The following KIAA1549L variants were observed in gnomAD, a reference collection of about 807,000 sequenced individuals.
KIAA1549L encodes the protein KIAA1549 like.
In KIAA1549L, 88 loss-of-function variants were observed where a neutral mutation model predicts 160.7. The ratio of observed to expected loss-of-function variants is 0.55; its 90% CI spans 0.46 to 0.65. The LOEUF is 0.65. KIAA1549L is among the 30% of genes least tolerant of loss of function. The pLI is 0.00. For synonymous variants in KIAA1549L, 950 were observed against 976.7 expected (o/e 0.97, Z 0.51); for missense variants, 2,258 against 2,437.5 (o/e 0.93, Z 1.55).
chr11:33,567,443 A>G (rs1404203822), intron 8 of KIAA1549L, among the ~76,000 whole-genome samples: 1 of 152,210 alleles, frequency 6.6e-6, no homozygotes, highest in Non-Finnish European at 1.5e-5. Flanking sequence ...CCATTCAGCC[A>G]TCCTCTTCTT....
At chr11:33,651,889 C>T (rs1590443973) in intron 17 of KIAA1549L, among the ~76,000 whole-genome samples, 1 of 74,956 alleles carries the variant, frequency 1.3e-5, no homozygotes, top group Non-Finnish European at 2.8e-5. Context: ...TTCTCCTCCC[C>T]TCCCCCCCTT....
rs917516726 is a variant in KIAA1549L at position 33,545,063 on chromosome 11, G to C, written c.3070G>C (p.Ala1024Pro). ...RTGHTTSTHT[A>P]MQGNMDTASG... ...AGGACATACCACGAGCACACATACA[G>C]CCATGCAAGGAAACATGGACACTGC... The change falls in exon 3 of 21, where the codon GCC becomes CCC. Residue 1024 changes from alanine to proline, a missense_variant. By Grantham distance (27) the Ala-to-Pro change is conservative. This residue lies in a region of KIAA1549L where 1,359 missense variants were observed against 1,546.6 expected (regional missense o/e 0.88). Coordinates refer to ENST00000658780, the MANE Select transcript of KIAA1549L (RefSeq NM_012194.3). 1.2e-6 allele frequency: 2 copies of C among 1,613,882 alleles called. No homozygotes were observed. The highest frequency in any genetic ancestry group is 1.7e-5 in the Admixed American group (1 of 60,002).
intron 1 of KIAA1549L, among the ~76,000 whole-genome samples, chr11:33,389,450 G>A (rs535435182): frequency 6.6e-6 from 1 of 152,312 alleles, no homozygotes; most frequent in East Asian, 1.9e-4. Flanking sequence ...TGAAAAGAAT[G>A]GGAGGATCAG....
At chr11:33,438,392 C>T (rs969960667) in intron 1 of KIAA1549L, among the ~76,000 whole-genome samples, 2 of 152,190 alleles carry the variant, frequency 1.3e-5, no homozygotes, top group Admixed American at 6.5e-5. Context: ...TTGTTAGAAC[C>T]CAGGTCTTGT....
intron 10 of KIAA1549L, among the ~76,000 whole-genome samples, chr11:33,579,453 C>G (rs1327627679): frequency 1.3e-5 from 2 of 152,186 alleles, no homozygotes; most frequent in Non-Finnish European, 2.9e-5. Context: ...TAGTTGCACC[C>G]TCTTCTCTGT....
intron 1 of KIAA1549L, among the ~76,000 whole-genome samples, chr11:33,413,127 G>T (rs889434429): frequency 5.9e-5 from 9 of 152,224 alleles, no homozygotes; most frequent in African/African-American, 2.2e-4. Context: ...TTAGGGAAAT[G>T]CTGCATCAGA....
intron 9 of KIAA1549L, among the ~76,000 whole-genome samples, chr11:33,574,461 C>T (rs914400378): frequency 6.6e-6 from 1 of 152,222 alleles, no homozygotes. Flanking sequence ...GTGTTTTCTT[C>T]TCCAACCACA....
At position 33,574,853 on chromosome 11, in the gene KIAA1549L, T is replaced by C; in HGVS notation, c.4382T>C (p.Val1461Ala). The stretch of plus-strand genomic sequence containing the variant: ...AGGATGGCCTTGACCCTTCATCACG[T>C]TGTCCTTCTGCAAGCTGACCGTAAG... ...SQRMALTLHHVVLLQADPVVK... is the reference protein window; with the variant it reads ...SQRMALTLHHAVLLQADPVVK... Residue 1461 changes from valine (V) to alanine (A), a missense_variant, in exon 10 of 21, where the codon GTT (valine) becomes GCT (alanine). Physicochemically the swap from Val to Ala is moderately conservative, Grantham distance 64. This residue lies in a region of KIAA1549L where 1,359 missense variants were observed against 1,546.6 expected (regional missense o/e 0.88). Transcript: ENST00000658780. 1 of 1,613,796 alleles carries C rather than the reference T, an allele frequency of 6.2e-7. No individual in the cohort carries two copies. The highest frequency in any genetic ancestry group is 1.7e-5 in the Admixed American group (1 of 59,990).
chr11:33,532,559 T>G (rs888144321), intron 1 of KIAA1549L, among the ~76,000 whole-genome samples: 9 of 152,218 alleles, frequency 5.9e-5, no homozygotes, highest in African/African-American at 2.2e-4. Context: ...ACAGAGATGT[T>G]AAGTAACTTG....
chr11:33,511,022 C>T (rs1420656827), intron 1 of KIAA1549L, among the ~76,000 whole-genome samples: 1 of 152,244 alleles, frequency 6.6e-6, no homozygotes, highest in Non-Finnish European at 1.5e-5. Flanking sequence ...AGTGTGCCTT[C>T]CTAGGCCTCA....
chr11:33,407,964 C>T (rs1259834395), intron 1 of KIAA1549L, among the ~76,000 whole-genome samples: 1 of 152,182 alleles, frequency 6.6e-6, no homozygotes, highest in Non-Finnish European at 1.5e-5. Context: ...CCCGTTCCTG[C>T]AGGGTCTCAC....
chr11:33,502,858 TGTACA>T (rs990707519), intron 1 of KIAA1549L, among the ~76,000 whole-genome samples: 3 of 152,196 alleles, frequency 2.0e-5, no homozygotes, highest in Non-Finnish European at 2.9e-5. Flanking sequence ...AACGTAACCT[TGTACA>T]GTTGTCTGTC....
intron 1 of KIAA1549L, among the ~76,000 whole-genome samples, chr11:33,466,995 G>A (rs1371275495): frequency 6.6e-6 from 1 of 152,014 alleles, no homozygotes; most frequent in Non-Finnish European, 1.5e-5. Flanking sequence ...GGCAGGGATA[G>A]TGTTAGGAGA....
intron 12 of KIAA1549L, among the ~76,000 whole-genome samples, chr11:33,595,147 A>C (rs1590379524): frequency 2.6e-5 from 4 of 152,214 alleles, no homozygotes; most frequent in Non-Finnish European, 5.9e-5. Context: ...CCAAATTTTT[A>C]ATAAGAAATA....
At chr11:33,532,712 G>A (rs1853802068) in intron 1 of KIAA1549L, among the ~76,000 whole-genome samples, 1 of 152,018 alleles carries the variant, frequency 6.6e-6, no homozygotes, top group Admixed American at 6.5e-5. Context: ...TTTCTTAATT[G>A]GTTTCCTTCG....
At chr11:33,614,578 ATATATAT>A (rs1850755288) in intron 15 of KIAA1549L, among the ~76,000 whole-genome samples, 13 of 9,416 alleles carry the variant, frequency 1.4e-3, no homozygotes, top group East Asian at 6.8e-3. Context: ...ATATATATAT[ATATATAT>A]TTTTTTTTTT....
intron 1 of KIAA1549L, among the ~76,000 whole-genome samples, chr11:33,471,828 G>T (rs1852183902): frequency 6.6e-6 from 1 of 152,230 alleles, no homozygotes; most frequent in South Asian, 2.1e-4. Context: ...AGGTTTCTGA[G>T]GTCCATCCTG....
intron 18 of KIAA1549L, 88 bp from the exon 19 acceptor site, chr11:33,658,662 G>A (rs1852150894): frequency 7.3e-7 from 1 of 1,379,208 alleles, no homozygotes; most frequent in Non-Finnish European, 1.0e-6. Context: ...AGCTGTCCAT[G>A]CCCAAAGGTG....
At position 33,615,025 on chromosome 11, in the gene KIAA1549L, C is replaced by T. The variant is rs1369669874; in HGVS notation, c.5280-3508C>T. On this transcript the variant is annotated intron_variant, in intron 15 of 20. Coordinates refer to ENST00000658780, the MANE Select transcript of KIAA1549L (RefSeq NM_012194.3). ...CCCACACTTTTCCAGTGGGCTTGAG[C>T]CTCCGTTACCCAAAACACAAATCTA... Among the ~76,000 whole-genome samples the T allele has an allele frequency of 3.9e-5, 6 of 152,076 alleles. No individual in the cohort carries two copies. The East Asian group carries it at 9.6e-4, about 24-fold the overall frequency.
Sources: gnomAD v4.1 joint callset for allele counts (sites outside exome capture counted in the v4.1 genomes callset) on GRCh38, gnomAD v4.1.1 for gene constraint, gnomAD v4.1.1 regional missense constraint, MANE v1.5 for transcripts, NCBI Gene and HGNC (gene_info 2026-07-23, HGNC 2026-07-21) for gene names.